CSMD1: variants seen among roughly 807,000 people sequenced by gnomAD.
The protein encoded by CSMD1 is CUB and Sushi multiple domains 1.
CSMD1 carries 213 observed loss-of-function variants against 417.5 expected under a neutral mutation model. The ratio of observed to expected loss-of-function variants is 0.51; its 90% CI spans 0.46 to 0.57. The LOEUF is 0.57. Ranked by LOEUF, CSMD1 falls within the 20% of genes least tolerant of loss-of-function variation. CSMD1 has a pLI of 0.00. For synonymous variants in CSMD1, 2,862 were observed against 1,736.8 expected, an observed-to-expected ratio of 1.65 and a Z score of -16.11; for missense variants, 6,923 against 4,529.7, an observed-to-expected ratio of 1.53 and a Z score of -15.17.
chr8:3,487,928 C>G (rs1157254781), intron 11 of CSMD1, among the ~76,000 whole-genome samples: 1 of 151,864 alleles, frequency 6.6e-6, no homozygotes, highest in Non-Finnish European at 1.5e-5. Context: ...TGTTTTTAAA[C>G]TTGTTTGCAT....
At chr8:3,423,866 C>T (rs1240492190) in intron 12 of CSMD1, among the ~76,000 whole-genome samples, 6 of 152,118 alleles carry the variant, frequency 3.9e-5, no homozygotes, top group Non-Finnish European at 5.9e-5. Context: ...TCCACCAGTC[C>T]TACGGCACGA....
intron 5 of CSMD1, among the ~76,000 whole-genome samples, chr8:3,816,219 G>A (rs978586362): frequency 6.6e-6 from 1 of 152,146 alleles, no homozygotes; most frequent in African/African-American, 2.4e-5. Flanking sequence ...TCAGACAGAA[G>A]GGCACGTGTT....
At chr8:3,834,737 T>C (rs892871041) in intron 5 of CSMD1, among the ~76,000 whole-genome samples, 2 of 152,020 alleles carry the variant, frequency 1.3e-5, no homozygotes, top group Admixed American at 6.6e-5. Context: ...GGCTCCATTC[T>C]CGGAGGTGGA....
chr8:3,503,833 G>GC lies in CSMD1; in HGVS notation c.1345-10108dup, dbSNP rs1265240238. 8.9e-3 allele frequency among the ~76,000 whole-genome samples: 621 copies of GC among 69,596 alleles called. 7 individuals are homozygous for GC. The highest frequency in any genetic ancestry group is 0.026 in the African/African-American group (502 of 19,630). The allele number at this position is 69,596 out of a possible 152,430, so 45.7% of individuals were successfully genotyped here. ...CCTCCATCTCCCCCCATCCCCCCTT[G>GC]CCCCCCCCCAACCCCCACACTCTTC... On this transcript the variant is annotated intron_variant, in intron 10 of 69. Transcript: ENST00000635120.
chr8:4,403,757 T>A (rs540315424), intron 3 of CSMD1, among the ~76,000 whole-genome samples: 1 of 152,158 alleles, frequency 6.6e-6, no homozygotes, highest in Non-Finnish European at 1.5e-5. Context: ...TGCTAGCAAC[T>A]CCACTTACGT....
intron 1 of CSMD1, among the ~76,000 whole-genome samples, chr8:4,772,472 G>A (rs908961846): frequency 6.6e-6 from 1 of 152,100 alleles, no homozygotes; most frequent in African/African-American, 2.4e-5. Flanking sequence ...GCGTCATCCG[G>A]TCATGGAGCA....
intron 25 of CSMD1, among the ~76,000 whole-genome samples, chr8:3,288,605 C>T (rs1218910563): frequency 1.4e-5 from 2 of 147,230 alleles, no homozygotes; most frequent in Admixed American, 6.7e-5. Flanking sequence ...TTATAGTATT[C>T]TCTGATGGTA....
intron 1 of CSMD1, among the ~76,000 whole-genome samples, chr8:4,820,364 C>G (rs1251266028): frequency 6.6e-6 from 1 of 152,098 alleles, no homozygotes; most frequent in African/African-American, 2.4e-5. Flanking sequence ...CTCATATGCA[C>G]TTCTATGATT....
intron 33 of CSMD1, among the ~76,000 whole-genome samples, chr8:3,198,692 G>A (rs891708939): frequency 6.6e-6 from 1 of 152,102 alleles, no homozygotes; most frequent in Non-Finnish European, 1.5e-5. Context: ...TTGAAGTCAT[G>A]AATTTCCCAA....
Position 4,364,668 on chromosome 8 carries a change from CA to C in CSMD1, c.415+55284del. 3.4e-5 allele frequency among the ~76,000 whole-genome samples: 2 copies of C among 59,516 alleles called. 1 individual carries two copies. Among genetic ancestry groups the C allele is most frequent in the South Asian group, 1.1e-3 (2 of 1,892 alleles). 39.0% of individuals were successfully genotyped at this position (59,516 alleles called of 152,430 possible). A position where few individuals can be genotyped will look rare whatever the true frequency, so the allele number is the denominator to read the frequency against. ...TGAAACCCCGTCTCTACTAAAAATA[CA>C]AAAAAATTAGCCGGGCGTAGTGGCG... On this transcript the variant is annotated intron_variant, in intron 3 of 69. Transcript: ENST00000635120.
At chr8:4,484,248 T>C (rs985825179) in intron 2 of CSMD1, among the ~76,000 whole-genome samples, 17 of 152,064 alleles carry the variant, frequency 1.1e-4, no homozygotes, top group African/African-American at 4.1e-4. Flanking sequence ...AAAAATTCTA[T>C]GGAAGGATTT....
intron 9 of CSMD1, among the ~76,000 whole-genome samples, chr8:3,580,986 G>C (rs895317622): frequency 3.9e-5 from 6 of 152,130 alleles, no homozygotes; most frequent in Admixed American, 3.3e-4. Flanking sequence ...CCCTGACTCT[G>C]CCTGGCTCCA....
intron 49 of CSMD1, among the ~76,000 whole-genome samples, chr8:3,079,752 G>T (rs544602016): frequency 6.6e-6 from 1 of 152,110 alleles, no homozygotes; most frequent in Non-Finnish European, 1.5e-5. Context: ...AATGGAAATG[G>T]CTTCGATTTT....
At chr8:3,954,699 G>T (rs1397560734) in intron 5 of CSMD1, among the ~76,000 whole-genome samples, 5 of 152,236 alleles carry the variant, frequency 3.3e-5, no homozygotes, top group Non-Finnish European at 7.3e-5. Context: ...TCTTTCCCAT[G>T]ATTCTTCCCT....
At chr8:3,835,720 C>CA (rs34306675) in intron 5 of CSMD1, among the ~76,000 whole-genome samples, 56,182 of 143,580 alleles carry the variant, frequency 0.39, 11,544 homozygotes, top group East Asian at 0.58. Flanking sequence ...ATAAAATTAA[C>CA]AAAAAAAAAA....
In CSMD1 at chr8:4,712,206, C is replaced by G. The variant is rs149927372; in HGVS notation, c.86-74648G>C. On this transcript the variant is annotated intron_variant, in intron 1 of 69. Transcript: ENST00000635120. The stretch of plus-strand genomic sequence containing the variant: ...GCTCAAATGTCTGCGAATCCATTAG[C>G]TCTTGACCTCTACTCATGATCCTCA... Among the ~76,000 whole-genome samples the G allele has an allele frequency of 5.5e-3, 841 of 152,324 alleles. 9 individuals are homozygous for G. Among genetic ancestry groups the G allele is most frequent in the Non-Finnish European group, 8.3e-3 (566 of 68,032 alleles).
At chr8:4,052,256 C>G (rs1363017194) in intron 3 of CSMD1, among the ~76,000 whole-genome samples, 1 of 152,130 alleles carries the variant, frequency 6.6e-6, no homozygotes, top group Non-Finnish European at 1.5e-5. Context: ...GGGTGGGAGT[C>G]CAGACAGGGC....
chr8:4,137,198 T>G (rs889301596), intron 3 of CSMD1, among the ~76,000 whole-genome samples: 1 of 152,214 alleles, frequency 6.6e-6, no homozygotes, highest in South Asian at 2.1e-4. Context: ...AGCCTCATCT[T>G]GCCTGGAAAC....
chr8:4,157,447 C>T (rs1268779934), intron 3 of CSMD1, among the ~76,000 whole-genome samples: 1 of 152,138 alleles, frequency 6.6e-6, no homozygotes, highest in African/African-American at 2.4e-5. Context: ...TCCCCTACCT[C>T]CTTCCCTCCC....
Sources: allele counts gnomAD v4.1 joint callset (sites outside exome capture counted in the v4.1 genomes callset), GRCh38; gene constraint gnomAD v4.1.1; transcripts MANE v1.5; gene names NCBI Gene and HGNC (gene_info 2026-07-23, HGNC 2026-07-21).